Variants in PDE11A observed in about 807,000 individuals in gnomAD.
PDE11A encodes the protein phosphodiesterase 11A, also known as dual 3',5'-cyclic-AMP and -GMP phosphodiesterase 11A.
A neutral mutation model predicts 100.5 loss-of-function variants in PDE11A; 100 were observed. That is an observed-to-expected ratio of 1.00 (90% CI 0.85 to 1.18). The LOEUF is 1.18. PDE11A is among the 50% of genes most tolerant of loss of function. The pLI is 0.00. For synonymous variants in PDE11A, 381 were observed against 420.8 expected (o/e 0.91, Z 1.16); for missense variants, 1,141 against 1,152.6 (o/e 0.99, Z 0.15).
chr2:178,069,289 TCTCCAAGGTCACAC>T (rs2087092613), intron 1 of PDE11A, among the ~76,000 whole-genome samples: 1 of 151,798 alleles, frequency 6.6e-6, no homozygotes, highest in Non-Finnish European at 1.5e-5. Flanking sequence ...ATTAAGAAAT[TCTCCAAGGTCACAC>T]CATTGGTGAC....
chr2:177,945,173 CCTA>C (rs374215056), intron 2 of PDE11A, among the ~76,000 whole-genome samples: 1,702 of 151,522 alleles, frequency 0.011, 25 homozygotes, highest in East Asian at 0.072. Context: ...CTCACTACAA[CCTA>C]CACCTCCCAG....
chr2:177,629,100 G>T lies in PDE11A; in HGVS notation c.*307C>A. The T allele has an allele frequency of 2.3e-6, 1 of 426,492 alleles. No homozygotes were observed. Among genetic ancestry groups the T allele is most frequent in the African/African-American group, 2.0e-5 (1 of 50,130 alleles). The allele number at this position is 426,492 out of a possible 1,614,324, so 26.4% of individuals were successfully genotyped here. A position where few individuals can be genotyped will look rare whatever the true frequency, so the allele number is the denominator to read the frequency against. ...TGTTCCCTCAGCTCAGAGTAAGTAG[G>T]CCGACTGTCCACAGGTCCTTGGATC... On this transcript the variant is annotated 3_prime_UTR_variant, in exon 20 of 20. Coordinates refer to ENST00000286063, the MANE Select transcript of PDE11A (RefSeq NM_016953.4).
intron 1 of PDE11A, among the ~76,000 whole-genome samples, chr2:178,045,162 T>C (rs925998013): frequency 6.6e-6 from 1 of 152,168 alleles, no homozygotes; most frequent in African/African-American, 2.4e-5. Context: ...AGAGACAAAT[T>C]GTACATCTCT....
At chr2:178,077,666 T>C (rs2087225167), upstream of PDE11A, among the ~76,000 whole-genome samples, 2 of 152,212 alleles carry the variant, frequency 1.3e-5, no homozygotes, top group South Asian at 4.1e-4. Flanking sequence ...TCTGTGAATG[T>C]CACCTTACTG....
rs72535720 is a variant in PDE11A at position 177,629,450 on chromosome 2, G to GAGA, written c.2758_2759insTCT (p.Ser919_Ser920insPhe). The GAGA allele has an allele frequency of 6.2e-7, 1 of 1,613,930 alleles. No individual in the cohort carries two copies. Among genetic ancestry groups the GAGA allele is most frequent in the South Asian group, 1.1e-5 (1 of 91,062 alleles). On this transcript the variant is annotated inframe_insertion, in exon 20 of 20. Coordinates refer to ENST00000286063, the MANE Select transcript of PDE11A (RefSeq NM_016953.4). The stretch of plus-strand genomic sequence containing the variant: ...GGCTACCATAACACTGGCAGGGGAG[G>GAGA]ATGAGGCAGTTGAGGCCAGCAGTCG...
At chr2:178,050,350 C>CATCA (rs1188749648) in intron 1 of PDE11A, among the ~76,000 whole-genome samples, 1 of 152,166 alleles carries the variant, frequency 6.6e-6, no homozygotes, top group Non-Finnish European at 1.5e-5. Context: ...CCCATATGTA[C>CATCA]ATCACCATCA....
intron 6 of PDE11A, among the ~76,000 whole-genome samples, chr2:177,821,356 A>C (rs2083135019): frequency 6.6e-6 from 1 of 151,838 alleles, no homozygotes; most frequent in Non-Finnish European, 1.5e-5. Flanking sequence ...GGATTTTTAC[A>C]AAATGAACAG....
At chr2:177,789,284 A>G (rs921128221) in intron 9 of PDE11A, among the ~76,000 whole-genome samples, 2 of 152,128 alleles carry the variant, frequency 1.3e-5, no homozygotes, top group Admixed American at 1.3e-4. Flanking sequence ...CCAAAGACAA[A>G]AACCACATGA....
At chr2:178,043,695 G>A (rs538273814) in intron 1 of PDE11A, among the ~76,000 whole-genome samples, 29 of 152,256 alleles carry the variant, frequency 1.9e-4, no homozygotes, top group Non-Finnish European at 3.5e-4. Context: ...GTGCATTTAT[G>A]TATGCAAAAA....
intron 19 of PDE11A, among the ~76,000 whole-genome samples, chr2:177,638,644 T>C (rs1487574695): frequency 6.6e-6 from 1 of 152,250 alleles, no homozygotes; most frequent in Admixed American, 6.5e-5. Flanking sequence ...TTCTGGAATA[T>C]AGTCAGGTTA....
At chr2:177,938,015 C>A (rs1041485003) in intron 2 of PDE11A, among the ~76,000 whole-genome samples, 1 of 151,902 alleles carries the variant, frequency 6.6e-6, no homozygotes, top group Non-Finnish European at 1.5e-5. Context: ...TGACCTCCAA[C>A]CTCAGGGATT....
At chr2:177,866,939 C>G (rs2084039616) in intron 5 of PDE11A, among the ~76,000 whole-genome samples, 1 of 152,192 alleles carries the variant, frequency 6.6e-6, no homozygotes, top group Admixed American at 6.5e-5. Flanking sequence ...TGGGACACTG[C>G]AAAGTGTAAA....
intron 2 of PDE11A, among the ~76,000 whole-genome samples, chr2:177,909,665 T>G (rs972118835): frequency 1.3e-5 from 2 of 152,230 alleles, no homozygotes; most frequent in African/African-American, 4.8e-5. Flanking sequence ...TTTACCCACA[T>G]GTGTACCAGT....
intron 10 of PDE11A, among the ~76,000 whole-genome samples, chr2:177,737,420 T>C (rs1303188890): frequency 2.2e-4 from 24 of 110,488 alleles, no homozygotes; most frequent in Middle Eastern, 4.5e-3. Flanking sequence ...CTACTAAAAA[T>C]ACACACACAC....
intron 6 of PDE11A, among the ~76,000 whole-genome samples, chr2:177,828,467 G>C (rs2083260928): frequency 6.6e-6 from 1 of 152,242 alleles, no homozygotes; most frequent in East Asian, 1.9e-4. Flanking sequence ...TGATAGAAGA[G>C]AGATGGTAAA....
intron 2 of PDE11A, among the ~76,000 whole-genome samples, chr2:177,952,149 C>G (rs1161102369): frequency 6.6e-6 from 1 of 152,204 alleles, no homozygotes; most frequent in Non-Finnish European, 1.5e-5. Context: ...AAAGTAGACT[C>G]TTTTATGACT....
intron 5 of PDE11A, among the ~76,000 whole-genome samples, chr2:177,846,454 C>A (rs1360829407): frequency 6.6e-6 from 1 of 152,086 alleles, no homozygotes; most frequent in Admixed American, 6.5e-5. Flanking sequence ...AGGAAAGGGC[C>A]CAAATTATTT....
chr2:178,080,112 T>C (rs2087264595), intron 2 of PDE11A, among the ~76,000 whole-genome samples: 1 of 152,202 alleles, frequency 6.6e-6, no homozygotes, highest in Non-Finnish European at 1.5e-5. Context: ...ACTCTGGTGA[T>C]AGTTTCTTTT....
At chr2:177,716,168 C>T (rs565565777) in intron 12 of PDE11A, among the ~76,000 whole-genome samples, 81 of 152,256 alleles carry the variant, frequency 5.3e-4, no homozygotes, top group Non-Finnish European at 1.0e-3. Context: ...AGGTTGTGTA[C>T]CCAACTCTGG....
Sources: allele counts gnomAD v4.1 joint callset (sites outside exome capture counted in the v4.1 genomes callset), GRCh38; gene constraint gnomAD v4.1.1; transcripts MANE v1.5; gene names NCBI Gene and HGNC (gene_info 2026-07-23, HGNC 2026-07-21).